The following TACC2 variants were observed in gnomAD, a reference collection of about 807,000 sequenced individuals.
TACC2 encodes the protein transforming acidic coiled-coil containing protein 2.
Under a neutral mutation model 227.3 loss-of-function variants are expected in TACC2, and 137 were observed. The ratio of observed to expected loss-of-function variants is 0.60; its 90% CI spans 0.52 to 0.69. The LOEUF is 0.69. Among genes scored for constraint, TACC2 ranks in the 30% least tolerant of loss-of-function variants. The probability of loss-of-function intolerance (pLI) is 0.00; values close to 1 mark genes in which losing one functional copy is unlikely to be tolerated. For missense variants in TACC2, 3,470 were observed against 3,694.4 expected, an observed-to-expected ratio of 0.94 and a Z score of 1.57; for synonymous variants, 1,523 against 1,487.5, an observed-to-expected ratio of 1.02 and a Z score of -0.55.
intron 7 of TACC2, among the ~76,000 whole-genome samples, chr10:122,148,977 G>T (rs1001753803): frequency 6.6e-6 from 1 of 152,234 alleles, no homozygotes; most frequent in African/African-American, 2.4e-5. Flanking sequence ...CCCCTCCATC[G>T]TAGCCCTCCT....
chr10:122,235,859 C>G (rs2095848560), intron 16 of TACC2, among the ~76,000 whole-genome samples: 1 of 152,080 alleles, frequency 6.6e-6, no homozygotes, highest in Admixed American at 6.5e-5. Flanking sequence ...TCTCTGGGGT[C>G]TGCTTGAAGG....
intron 1 of TACC2, among the ~76,000 whole-genome samples, chr10:121,999,795 G>A (rs1446369923): frequency 2.6e-5 from 4 of 152,184 alleles, no homozygotes; most frequent in Non-Finnish European, 4.4e-5. Flanking sequence ...GAGGAAAAAC[G>A]ACAGAGGAAA....
intron 2 of TACC2, among the ~76,000 whole-genome samples, chr10:122,047,480 C>T (rs919909761): frequency 2.0e-5 from 3 of 152,110 alleles, no homozygotes; most frequent in African/African-American, 4.8e-5. Context: ...GGGAATGGCT[C>T]AGCCTGCAGG....
At chr10:122,110,926 G>A (rs1592127856) in intron 5 of TACC2, among the ~76,000 whole-genome samples, 1 of 152,150 alleles carries the variant, frequency 6.6e-6, no homozygotes. Context: ...GGAAGCCCTC[G>A]AGGAAAAATC....
At position 122,085,897 on chromosome 10, in the gene TACC2, G is replaced by A. The variant is rs2080047417; in HGVS notation, c.3397G>A (p.Gly1133Ser). 1.2e-6 allele frequency: 2 copies of A among 1,613,232 alleles called. No individual in the cohort carries two copies. Among genetic ancestry groups the A allele is most frequent in the Admixed American group, 1.7e-5 (1 of 59,940 alleles). Residue 1133 changes from glycine to serine, a missense_variant, in exon 4 of 23, where the codon GGT (glycine) becomes AGT (serine). This residue lies in a region of TACC2 where 1,924 missense variants were observed against 1,978.3 expected (regional missense o/e 0.97). Transcript: ENST00000369005. ...QGGEAGAAET[G>S]GSAGAGDPGK... ...TGGTGAAGCCGGGGCTGCTGAGACT[G>A]GTGGCAGCGCTGGTGCAGGAGACCC... is the stretch of plus-strand genomic sequence containing the variant.
chr10:122,244,541 G>A (rs372404885), intron 19 of TACC2, among the ~76,000 whole-genome samples: 1 of 152,186 alleles, frequency 6.6e-6, no homozygotes, highest in Non-Finnish European at 1.5e-5. Context: ...GCATGGCTGG[G>A]ACTCACTGTG....
At position 122,084,999 on chromosome 10, in the gene TACC2, C is replaced by A. The variant is rs749414532; in HGVS notation, c.2499C>A (p.Ser833=). ...LLSSEKHLQP[S]QAQPETSIFD... Reference sequence around the variant, plus strand: ...CTTCTGAGAAGCATCTCCAGCCATCCCAGGCACAACCAGAGACATCCATCT... The same window carrying A: ...CTTCTGAGAAGCATCTCCAGCCATCACAGGCACAACCAGAGACATCCATCT... The change falls in exon 4 of 23, where the codon TCC becomes TCA. Residue 833 remains serine, a synonymous_variant. Transcript: ENST00000369005. 1 of 1,614,148 alleles carries A rather than the reference C, an allele frequency of 6.2e-7. No homozygotes were observed. The highest frequency in any genetic ancestry group is 8.5e-7 in the Non-Finnish European group (1 of 1,180,022).
intron 7 of TACC2, among the ~76,000 whole-genome samples, chr10:122,173,853 C>T (rs2093590155): frequency 6.6e-6 from 1 of 152,322 alleles, no homozygotes; most frequent in Admixed American, 6.5e-5. Context: ...GAAAGCCAGC[C>T]CCTCTCTGGG....
intron 2 of TACC2, among the ~76,000 whole-genome samples, chr10:122,030,929 A>G (rs1470858893): frequency 1.3e-5 from 2 of 151,930 alleles, no homozygotes; most frequent in African/African-American, 4.8e-5. Flanking sequence ...TGCCTCCATA[A>G]TGCTCAGCCT....
chr10:122,097,481 A>G (rs951012179), intron 5 of TACC2, among the ~76,000 whole-genome samples: 1 of 151,716 alleles, frequency 6.6e-6, no homozygotes, highest in Non-Finnish European at 1.5e-5. Context: ...TGCACAGTGG[A>G]TTTGGGTCAG....
At position 122,085,704 on chromosome 10, in the gene TACC2, C is replaced by T. The variant is rs373281844; in HGVS notation, c.3204C>T (p.Pro1068=). 7.6e-5 allele frequency: 123 copies of T among 1,613,760 alleles called. No homozygotes were observed. The highest frequency in any genetic ancestry group is 2.7e-4 in the African/African-American group (20 of 75,034). Residue 1068 remains proline, a synonymous_variant, in exon 4 of 23, where the codon CCC becomes CCT. Transcript: ENST00000369005. The part of the protein sequence containing the change: ...PCLPALAPAS[P]GVTPTQDAPE... Reference sequence around the variant, plus strand: ...TGCCAGCCCTGGCGCCCGCCAGCCCCGGAGTCACACCCACCCAGGATGCCC... The same window carrying T: ...TGCCAGCCCTGGCGCCCGCCAGCCCTGGAGTCACACCCACCCAGGATGCCC...
chr10:122,211,305 G>T lies in TACC2; in HGVS notation c.6880G>T (p.Val2294Phe), dbSNP rs773494596. The T allele has an allele frequency of 1.9e-6, 3 of 1,614,088 alleles. No homozygotes were observed. In the South Asian group the frequency reaches 3.3e-5, roughly 18 times the overall value. Residue 2294 changes from valine to phenylalanine, a missense_variant, in exon 9 of 23, where the codon GTT (valine) becomes TTT (phenylalanine). By Grantham distance (50) the Val-to-Phe change is conservative. This residue lies in a region of TACC2 where 593 missense variants were observed against 636.6 expected (regional missense o/e 0.93). Transcript: ENST00000369005. The stretch of plus-strand genomic sequence containing the variant: ...TACCAAAAAGATAGGCAAAAAGCCA[G>T]TTGCCAAAATGCCCCTGAGGAGGCC... ...PPTKKIGKKPVAKMPLRRPKM... is the reference protein window; with the variant it reads ...PPTKKIGKKPFAKMPLRRPKM...
rs1311661932 is a variant in TACC2 at position 122,141,067 on chromosome 10, C to T, written c.5700-2505C>T. Among the ~76,000 whole-genome samples, 1 of 152,112 alleles carries T rather than the reference C, an allele frequency of 6.6e-6. No homozygotes were observed. Among genetic ancestry groups the T allele is most frequent in the Non-Finnish European group, 1.5e-5 (1 of 68,030 alleles). ...AGATTCCAGAAGGAGAAGGAGGTGA[C>T]TCAGCAGGAAGGGGTGATGAGGGGC... On this transcript the variant is annotated intron_variant, in intron 6 of 22. Transcript: ENST00000369005. The surrounding 1 kb of genome is among the most constrained non-coding windows in gnomAD (Gnocchi z 4.3).
At chr10:122,049,241 C>A (rs2075397323) in intron 2 of TACC2, among the ~76,000 whole-genome samples, 1 of 152,324 alleles carries the variant, frequency 6.6e-6, no homozygotes, top group East Asian at 1.9e-4. Context: ...GAGGCCTTGG[C>A]CCCAGCAGGG....
intron 1 of TACC2, among the ~76,000 whole-genome samples, chr10:122,015,321 AT>A (rs1410300536): frequency 1.3e-5 from 2 of 152,108 alleles, no homozygotes; most frequent in African/African-American, 4.8e-5. Context: ...CCTGCCCAAC[AT>A]GGTGAAACCC....
rs1262180043 is a variant in TACC2 at position 122,133,317 on chromosome 10, C to T, written c.5699+583C>T. On this transcript the variant is annotated intron_variant, in intron 6 of 22. Transcript: ENST00000369005. Reference sequence around the variant, plus strand: ...CAACCCCACACTGATCACGGTTCTCCGTCTACACTGTGCTTGGCCTGGATT... The same window carrying T: ...CAACCCCACACTGATCACGGTTCTCTGTCTACACTGTGCTTGGCCTGGATT... Among the ~76,000 whole-genome samples, 3 of 152,126 alleles carry T rather than the reference C, an allele frequency of 2.0e-5. No homozygotes were observed. In the East Asian group the frequency reaches 5.8e-4, roughly 30 times the overall value.
chr10:122,187,496 C>A lies in TACC2; in HGVS notation c.5835-7544C>A, dbSNP rs148092881. Among the ~76,000 whole-genome samples the A allele has an allele frequency of 8.3e-3, 1,239 of 149,924 alleles. 17 individuals carry two copies. The highest frequency in any genetic ancestry group is 0.028 in the African/African-American group (1,158 of 40,936). On this transcript the variant is annotated intron_variant, in intron 7 of 22. Coordinates refer to ENST00000369005, the MANE Select transcript of TACC2 (RefSeq NM_206862.4). ...TTCCCCAAATTTCTTTTCTTTCTTT[C>A]TTTTTTTTTTCTGAGACAGAGTCTC... is the stretch of plus-strand genomic sequence containing the variant.
intron 5 of TACC2, among the ~76,000 whole-genome samples, chr10:122,132,050 A>AAGAG (rs1491275173): frequency 9.6e-4 from 1 of 1,044 alleles, no homozygotes; most frequent in Admixed American, 0.016. Context: ...GAAAGAAAGA[A>AAGAG]AGAAAGAAAG....
At chr10:122,231,051 CTGTT>C (rs779026316) in intron 16 of TACC2, among the ~76,000 whole-genome samples, 20 of 152,240 alleles carry the variant, frequency 1.3e-4, no homozygotes, top group East Asian at 1.9e-4. Context: ...TTTTATTTGT[CTGTT>C]TGTTTGTTTG....
Sources: allele counts gnomAD v4.1 joint callset (sites outside exome capture counted in the v4.1 genomes callset), GRCh38; gene constraint gnomAD v4.1.1; regional missense constraint gnomAD v4.1.1; non-coding constraint Gnocchi (gnomAD v3.1); transcripts MANE v1.5; gene names NCBI Gene and HGNC (gene_info 2026-07-23, HGNC 2026-07-21).